Variants in SORCS1 observed in about 807,000 individuals in gnomAD.
The protein encoded by SORCS1 is sortilin related VPS10 domain containing receptor 1.
Under a neutral mutation model 146.1 loss-of-function variants are expected in SORCS1, and 60 were observed. The observed-to-expected ratio is 0.41, with a 90% CI of 0.33 to 0.51. The LOEUF is 0.51. Among genes scored for constraint, SORCS1 ranks in the 20% least tolerant of loss-of-function variants. The probability of loss-of-function intolerance (pLI) is 0.21; values close to 1 mark genes in which losing one functional copy is unlikely to be tolerated. For missense variants in SORCS1, 1,352 were observed against 1,487.6 expected (o/e 0.91, Z 1.50); for synonymous variants, 637 against 584.0 (o/e 1.09, Z -1.31).
Position 106,600,219 on chromosome 10 carries a change from AAAT to A in SORCS1, c.3166-2772_3166-2770del, listed in dbSNP as rs1443260052. On this transcript the variant is annotated intron_variant, in intron 23 of 25. Coordinates refer to ENST00000263054, the MANE Select transcript of SORCS1 (RefSeq NM_052918.5). ...TAATCTCCAGGAGAGACCCTTGTGAAAATAATTAACTACTTGGTTTTGTTTTGG... is the reference window on the plus strand; with the variant it reads ...TAATCTCCAGGAGAGACCCTTGTGAAAATTAACTACTTGGTTTTGTTTTGG... 7 of 598,578 alleles carry A rather than the reference AAAT, an allele frequency of 1.2e-5. No homozygotes were observed. In the African/African-American group the frequency reaches 1.2e-4, roughly 10 times the overall value. The allele number at this position is 598,578 out of a possible 1,614,324, so 37.1% of individuals were successfully genotyped here.
intron 20 of SORCS1, 57 bp from the exon 21 acceptor site, chr10:106,618,329 G>A: frequency 1.3e-6 from 2 of 1,592,448 alleles, no homozygotes; most frequent in South Asian, 1.1e-5. Flanking sequence ...AGGTGACACA[G>A]CCACTAACTG....
chr10:106,780,801 C>A (rs538485050), intron 3 of SORCS1, among the ~76,000 whole-genome samples: 1 of 152,276 alleles, frequency 6.6e-6, no homozygotes, highest in South Asian at 2.1e-4. Flanking sequence ...CTGACTGCAC[C>A]TGCAGATGAA....
At chr10:106,841,932 G>A in intron 2 of SORCS1, among the ~76,000 whole-genome samples, 1 of 152,152 alleles carries the variant, frequency 6.6e-6, no homozygotes, top group Non-Finnish European at 1.5e-5. Context: ...CAACTCCTTT[G>A]GGTAAATATC....
rs896665084 is a variant in SORCS1 at position 106,574,308 on chromosome 10, G to C, written c.*3112C>G. 7 of 152,738 alleles carry C rather than the reference G, an allele frequency of 4.6e-5. No homozygotes were observed. The highest frequency in any genetic ancestry group is 4.6e-4 in the Admixed American group (7 of 15,288). The allele number at this position is 152,738 out of a possible 1,614,324, so 9.5% of individuals were successfully genotyped here. ...GCACAGTTTGCCTTCTGGGATTTTG[G>C]AAAACGTTGCAGTATCGGATTTTTA... On this transcript the variant is annotated 3_prime_UTR_variant, in exon 26 of 26. Transcript: ENST00000263054.
At chr10:106,928,709 A>G (rs1021844624) in intron 2 of SORCS1, among the ~76,000 whole-genome samples, 1 of 152,216 alleles carries the variant, frequency 6.6e-6, no homozygotes, top group Non-Finnish European at 1.5e-5. Flanking sequence ...CACATCTCAC[A>G]TAGACTATTA....
intron 2 of SORCS1, among the ~76,000 whole-genome samples, chr10:106,913,944 C>A (rs554513309): frequency 1.3e-5 from 2 of 152,306 alleles, no homozygotes; most frequent in Non-Finnish European, 2.9e-5. Context: ...TGAGTCCCTT[C>A]TGTGCTTGTA....
intron 3 of SORCS1, among the ~76,000 whole-genome samples, chr10:106,815,986 A>T (rs1291357986): frequency 1.3e-5 from 2 of 152,190 alleles, no homozygotes; most frequent in Admixed American, 6.5e-5. Flanking sequence ...CTTTTTAGCA[A>T]ATCGGGACTT....
rs372814241 is a variant in SORCS1 at position 106,579,494 on chromosome 10, A to G, written c.3266-20T>C. 1.9e-6 allele frequency: 3 copies of G among 1,612,804 alleles called. No homozygotes were observed. Among genetic ancestry groups the G allele is most frequent in the Non-Finnish European group, 2.5e-6 (3 of 1,179,366 alleles). ...GGGGGGCTTGTGGGGGAAACAGAGC[A>G]GAGAAAAATGAGCAGAGAACTGGGC... On this transcript the variant is annotated intron_variant, in intron 24 of 25. Coordinates refer to ENST00000263054, the MANE Select transcript of SORCS1 (RefSeq NM_052918.5).
At chr10:107,040,832 T>C (rs925603243) in intron 1 of SORCS1, among the ~76,000 whole-genome samples, 2 of 152,162 alleles carry the variant, frequency 1.3e-5, no homozygotes, top group Admixed American at 1.3e-4. Context: ...GAAAGTTACA[T>C]GGTATTTACC....
chr10:106,678,303 C>A (rs1424806865), intron 12 of SORCS1, among the ~76,000 whole-genome samples: 1 of 152,142 alleles, frequency 6.6e-6, no homozygotes, highest in East Asian at 1.9e-4. Context: ...TTAGAATAGT[C>A]CAGGTTTCTA....
chr10:106,861,825 G>C (rs1161703046), intron 2 of SORCS1, among the ~76,000 whole-genome samples: 1 of 152,126 alleles, frequency 6.6e-6, no homozygotes, highest in Admixed American at 6.5e-5. Flanking sequence ...GGAGGCAGAG[G>C]CTGCAGTGAG....
intron 14 of SORCS1, among the ~76,000 whole-genome samples, chr10:106,674,220 T>G (rs890652097): frequency 6.8e-6 from 1 of 146,456 alleles, no homozygotes; most frequent in Non-Finnish European, 1.5e-5. Context: ...TCCTAGCTAC[T>G]CAGGAGGCTA....
intron 2 of SORCS1, among the ~76,000 whole-genome samples, chr10:106,954,386 G>A (rs1198703552): frequency 6.6e-6 from 1 of 152,164 alleles, no homozygotes. Flanking sequence ...TTACAGAATT[G>A]AAGCAATATA....
intron 5 of SORCS1, 96 bp from the exon 6 acceptor site, chr10:106,730,210 A>C: frequency 8.9e-7 from 1 of 1,118,730 alleles, no homozygotes; most frequent in Non-Finnish European, 1.4e-6. Context: ...ATTAATATCC[A>C]CAGGCATCTA....
At chr10:106,760,442 CAAAAAA>C (rs34324078) in intron 5 of SORCS1, among the ~76,000 whole-genome samples, 3 of 45,804 alleles carry the variant, frequency 6.5e-5, no homozygotes. Flanking sequence ...GACTCCGTCT[CAAAAAA>C]AAAAAAAAAA....
Position 106,706,688 on chromosome 10 carries a change from G to GT in SORCS1, c.1144-55dup, listed in dbSNP as rs1375457190. The GT allele has an allele frequency of 4.0e-5, 61 of 1,532,360 alleles. 1 individual carries two copies. The Admixed American group carries it at 9.7e-4, about 24-fold the overall frequency. The allele number at this position is 1,532,360 out of a possible 1,614,324, so 94.9% of individuals were successfully genotyped here. A position where few individuals can be genotyped will look rare whatever the true frequency, so the allele number is the denominator to read the frequency against. ...GCTCGAGCTACTGTAACAGGCACAGGTCACAGAACAGTCACCTGAATGGAA... is the reference window on the plus strand; with the variant it reads ...GCTCGAGCTACTGTAACAGGCACAGGTTCACAGAACAGTCACCTGAATGGAA... On this transcript the variant is annotated intron_variant, in intron 7 of 25. Coordinates refer to ENST00000263054, the MANE Select transcript of SORCS1 (RefSeq NM_052918.5).
At chr10:106,830,484 A>T (rs1226599573) in intron 2 of SORCS1, among the ~76,000 whole-genome samples, 1 of 151,894 alleles carries the variant, frequency 6.6e-6, no homozygotes, top group African/African-American at 2.4e-5. Flanking sequence ...AATTTAAAAA[A>T]TTTCCTGATA....
chr10:106,757,951 GA>G (rs1564936874), intron 5 of SORCS1, among the ~76,000 whole-genome samples: 1 of 152,192 alleles, frequency 6.6e-6, no homozygotes, highest in Non-Finnish European at 1.5e-5. Context: ...GCTTACTTCA[GA>G]AGGTTGTTAT....
chr10:107,125,532 T>C (rs1161214620), intron 1 of SORCS1, among the ~76,000 whole-genome samples: 1 of 152,232 alleles, frequency 6.6e-6, no homozygotes, highest in East Asian at 1.9e-4. Context: ...TATACAATTT[T>C]TGCATACAGA....
Sources: gnomAD v4.1 joint callset for allele counts (sites outside exome capture counted in the v4.1 genomes callset) on GRCh38, gnomAD v4.1.1 for gene constraint, MANE v1.5 for transcripts, NCBI Gene and HGNC (gene_info 2026-07-23, HGNC 2026-07-21) for gene names.